The following DHRSX variants were observed in gnomAD, a reference collection of about 807,000 sequenced individuals.
The protein encoded by DHRSX is dehydrogenase/reductase X-linked, also known as polyprenol dehydrogenase.
In DHRSX, 31 loss-of-function variants were observed where a neutral mutation model predicts 34.0. The ratio of observed to expected loss-of-function variants is 0.91; its 90% CI spans 0.69 to 1.23. DHRSX has a LOEUF of 1.23. Ranked by LOEUF, DHRSX falls within the 50% of genes most tolerant of loss-of-function variation. The pLI, the probability that DHRSX is intolerant of heterozygous loss-of-function variation, is 0.00. For synonymous variants in DHRSX, 201 were observed against 183.8 expected, an observed-to-expected ratio of 1.09 and a Z score of -0.76; for missense variants, 414 against 428.1, an observed-to-expected ratio of 0.97 and a Z score of 0.29.
chrX:2,260,782 C>G (rs1420425022), intron 5 of DHRSX, among the ~76,000 whole-genome samples: 1 of 152,106 alleles, frequency 6.6e-6, no homozygotes, highest in African/African-American at 2.4e-5. Context: ...CTTGTAAGGC[C>G]ACCCATCATA....
At chrX:2,461,593 C>T (rs868251597) in intron 1 of DHRSX, among the ~76,000 whole-genome samples, 8 of 152,264 alleles carry the variant, frequency 5.3e-5, no homozygotes, top group Middle Eastern at 6.8e-3. Context: ...CCAGGCTGCA[C>T]GACAGTGATG....
At chrX:2,283,055 A>T (rs1347611152) in intron 4 of DHRSX, among the ~76,000 whole-genome samples, 1 of 151,776 alleles carries the variant, frequency 6.6e-6, no homozygotes, top group African/African-American at 2.4e-5. Context: ...AGAGACAGAG[A>T]GTTACAGAAA....
intron 4 of DHRSX, among the ~76,000 whole-genome samples, chrX:2,287,361 C>G (rs1001931380): frequency 6.6e-6 from 1 of 151,688 alleles, no homozygotes; most frequent in Non-Finnish European, 1.5e-5. Context: ...ATGTCCACAT[C>G]CTAATCCTCA....
chrX:2,372,702 G>A (rs771039219), intron 3 of DHRSX, among the ~76,000 whole-genome samples: 149 of 151,554 alleles, frequency 9.8e-4, no homozygotes, highest in African/African-American at 3.4e-3. Flanking sequence ...TCCGCCTCCC[G>A]GGTTCAAGCG....
chrX:2,268,764 T>A (rs1320410302), intron 4 of DHRSX, among the ~76,000 whole-genome samples: 1 of 152,258 alleles, frequency 6.6e-6, no homozygotes, highest in African/African-American at 2.4e-5. Context: ...CTATTTGGAA[T>A]TGTACAATCG....
At chrX:2,452,766 C>T (rs1230620117) in intron 1 of DHRSX, among the ~76,000 whole-genome samples, 4 of 152,054 alleles carry the variant, frequency 2.6e-5, no homozygotes, top group Admixed American at 6.5e-5. Context: ...ACATTGAAGA[C>T]GTTCCCTAAG....
At chrX:2,403,856 CA>C (rs529721291) in intron 3 of DHRSX, among the ~76,000 whole-genome samples, 3,867 of 90,080 alleles carry the variant, frequency 0.043, 113 homozygotes, top group African/African-American at 0.12. Flanking sequence ...AACTCTGTCT[CA>C]AAAAAAAAAA....
chrX:2,346,489 G>C (rs2042713765), intron 3 of DHRSX, among the ~76,000 whole-genome samples: 1 of 151,884 alleles, frequency 6.6e-6, no homozygotes. Flanking sequence ...TGAAGCTGCT[G>C]TCAAGCTCAA....
chrX:2,420,796 C>A lies in DHRSX; in HGVS notation c.217+4401G>T, dbSNP rs544836061. Among the ~76,000 whole-genome samples the A allele has an allele frequency of 1.4e-3, 208 of 151,740 alleles. 1 individual carries two copies. Among genetic ancestry groups the A allele is most frequent in the African/African-American group, 4.8e-3 (198 of 41,398 alleles). On this transcript the variant is annotated intron_variant, in intron 2 of 6. Transcript: ENST00000334651. Reference sequence around the variant, plus strand: ...AAAATGCTCAAGTGGGAGTTAGGCACAACTTTGAGGAAAATAACTGCTTGA... The same window carrying A: ...AAAATGCTCAAGTGGGAGTTAGGCAAAACTTTGAGGAAAATAACTGCTTGA...
chrX:2,260,476 T>TTTTA (rs2041348825), intron 5 of DHRSX, among the ~76,000 whole-genome samples: 1 of 147,480 alleles, frequency 6.8e-6, no homozygotes, highest in African/African-American at 2.7e-5. Context: ...TTTTTTTTTT[T>TTTTA]GAGACAGAGT....
At chrX:2,411,720 C>G (rs1426120801) in intron 2 of DHRSX, among the ~76,000 whole-genome samples, 1 of 149,718 alleles carries the variant, frequency 6.7e-6, no homozygotes, top group Non-Finnish European at 1.5e-5. Flanking sequence ...CAGCGAGACT[C>G]CATCTCAAAA....
At chrX:2,288,445 C>T (rs1268885742) in intron 4 of DHRSX, among the ~76,000 whole-genome samples, 2 of 152,110 alleles carry the variant, frequency 1.3e-5, no homozygotes, top group South Asian at 2.1e-4. Context: ...ATGTTGTCCA[C>T]GTTGGTCTCG....
intron 5 of DHRSX, among the ~76,000 whole-genome samples, chrX:2,265,533 G>C: frequency 7.5e-6 from 1 of 134,162 alleles, no homozygotes; most frequent in Non-Finnish European, 1.6e-5. Context: ...GCAGATGCAG[G>C]GAGCACTGTC....
chrX:2,306,924 G>A (rs2042104306), intron 3 of DHRSX, among the ~76,000 whole-genome samples: 4 of 104,270 alleles, frequency 3.8e-5, no homozygotes, highest in Admixed American at 3.5e-4. Flanking sequence ...CTGGTCTTGG[G>A]GCTTTTTTTT....
At chrX:2,417,622 A>G (rs1336728625) in intron 2 of DHRSX, among the ~76,000 whole-genome samples, 1 of 151,934 alleles carries the variant, frequency 6.6e-6, no homozygotes, top group Non-Finnish European at 1.5e-5. Context: ...CTAGACGTCA[A>G]TGTGACCTGA....
At chrX:2,486,411 GCAGA>G (rs1434317246) in intron 1 of DHRSX, 1 of 152,180 alleles carries the variant, frequency 6.6e-6, no homozygotes, top group African/African-American at 2.4e-5. Context: ...CGGACACGCG[GCAGA>G]CAAATGAATG....
intron 3 of DHRSX, among the ~76,000 whole-genome samples, chrX:2,407,218 T>G (rs1428043859): frequency 6.6e-6 from 1 of 152,170 alleles, no homozygotes; most frequent in Non-Finnish European, 1.5e-5. Context: ...TGGGTCCGAC[T>G]CGCAGACTTT....
intron 3 of DHRSX, among the ~76,000 whole-genome samples, chrX:2,306,804 G>A (rs1424980760): frequency 1.3e-5 from 2 of 152,012 alleles, no homozygotes; most frequent in African/African-American, 2.4e-5. Context: ...TACAGGTTTT[G>A]TAGAATAAGT....
intron 4 of DHRSX, among the ~76,000 whole-genome samples, chrX:2,289,921 C>T (rs766599454): frequency 5.7e-4 from 87 of 152,328 alleles, no homozygotes; most frequent in African/African-American, 2.0e-3. Context: ...GAGCCACTAG[C>T]ACTGATAATA....
Sources: gnomAD v4.1 joint callset for allele counts (sites outside exome capture counted in the v4.1 genomes callset) on GRCh38, gnomAD v4.1.1 for gene constraint, MANE v1.5 for transcripts, NCBI Gene and HGNC (gene_info 2026-07-23, HGNC 2026-07-21) for gene names.